Variants in CRB1 observed in about 807,000 individuals in gnomAD.
CRB1 encodes the protein crumbs cell polarity complex component 1.
Under a neutral mutation model 120.0 loss-of-function variants are expected in CRB1, and 83 were observed. The observed-to-expected ratio is 0.69, with a 90% CI of 0.58 to 0.83. The LOEUF is 0.83. Ranked by LOEUF, CRB1 falls within the 40% of genes least tolerant of loss-of-function variation. The pLI is 0.00. For synonymous variants in CRB1, 625 were observed against 612.5 expected (o/e 1.02, Z -0.30); for missense variants, 1,699 against 1,687.6 (o/e 1.01, Z -0.12).
chr1:197,220,537 A>G, the CRB1 span, among the ~76,000 whole-genome samples: 1 of 152,202 alleles, frequency 6.6e-6, no homozygotes, highest in Non-Finnish European at 1.5e-5. Context: ...AGCTTTAGGG[A>G]GCAAAGGTAA....
chr1:197,203,900 A>G, the CRB1 span, among the ~76,000 whole-genome samples: 155 of 152,212 alleles, frequency 1.0e-3, no homozygotes, highest in African/African-American at 3.4e-3. Context: ...CCATCATCCA[A>G]GTAGTACACA....
chr1:197,301,247 C>T (rs1046030939), intron 1 of CRB1, among the ~76,000 whole-genome samples: 1 of 151,926 alleles, frequency 6.6e-6, no homozygotes, highest in African/African-American at 2.4e-5. Flanking sequence ...CTCACTGCAA[C>T]CTCTGCCTGC....
At chr1:197,407,323 A>G (rs1663464144) in intron 5 of CRB1, among the ~76,000 whole-genome samples, 1 of 152,244 alleles carries the variant, frequency 6.6e-6, no homozygotes, top group African/African-American at 2.4e-5. Flanking sequence ...GCCAAATAGA[A>G]GTTTTAAAGA....
chr1:197,327,340 G>A lies in CRB1; in HGVS notation c.71-1082G>A, dbSNP rs549306059. Reference sequence around the variant, plus strand: ...AGAATTACCTGTTTCATAGAAAAGTGCAATAGAACTATCAAGGACAAAGGA... The same window carrying A: ...AGAATTACCTGTTTCATAGAAAAGTACAATAGAACTATCAAGGACAAAGGA... On this transcript the variant is annotated intron_variant, in intron 1 of 11. Transcript: ENST00000367400. Among the ~76,000 whole-genome samples the A allele has an allele frequency of 5.3e-5, 8 of 152,238 alleles. No individual in the cohort carries two copies. In the South Asian group the frequency reaches 1.7e-3, roughly 32 times the overall value.
intron 5 of CRB1, among the ~76,000 whole-genome samples, chr1:197,420,481 T>C (rs1664248550): frequency 6.6e-6 from 1 of 152,158 alleles, no homozygotes; most frequent in African/African-American, 2.4e-5. Context: ...AAGTCCTTCA[T>C]GGTGAGAGTT....
At chr1:197,345,475 T>C (rs1659708759) in intron 3 of CRB1, among the ~76,000 whole-genome samples, 1 of 151,236 alleles carries the variant, frequency 6.6e-6, no homozygotes, top group African/African-American at 2.4e-5. Context: ...AAGGCACATA[T>C]GCTTCAAAAA....
chr1:197,259,983 TAAAAA>T, the CRB1 span, among the ~76,000 whole-genome samples: 1 of 131,144 alleles, frequency 7.6e-6, no homozygotes, highest in South Asian at 2.5e-4. Flanking sequence ...GCCCCATGTC[TAAAAA>T]AAAAAAAAAA....
At chr1:197,348,657 T>C (rs957790446) in intron 4 of CRB1, among the ~76,000 whole-genome samples, 2 of 152,002 alleles carry the variant, frequency 1.3e-5, no homozygotes, top group Admixed American at 6.5e-5. Context: ...TTTGTATTTT[T>C]AGTAGAGACG....
chr1:197,367,155 T>C (rs918508421), intron 5 of CRB1, among the ~76,000 whole-genome samples: 2 of 152,214 alleles, frequency 1.3e-5, no homozygotes, highest in Non-Finnish European at 2.9e-5. Flanking sequence ...ATTATCTTTA[T>C]TTTGTATGAC....
intron 11 of CRB1, among the ~76,000 whole-genome samples, chr1:197,450,345 G>A (rs771434602): frequency 1.9e-4 from 29 of 152,102 alleles, no homozygotes; most frequent in Non-Finnish European, 3.8e-4. Context: ...TTACTTCTGG[G>A]CACTACATTC....
intron 1 of CRB1, among the ~76,000 whole-genome samples, chr1:197,285,488 C>G (rs919925839): frequency 6.6e-6 from 1 of 151,868 alleles, no homozygotes; most frequent in South Asian, 2.1e-4. Context: ...ACTTATAAAG[C>G]CTCTCTGCCT....
chr1:197,275,576 G>C (rs1326096488), intron 1 of CRB1, among the ~76,000 whole-genome samples: 1 of 151,852 alleles, frequency 6.6e-6, no homozygotes, highest in Non-Finnish European at 1.5e-5. Context: ...TACATATTCA[G>C]CCTTTCACTT....
intron 7 of CRB1, among the ~76,000 whole-genome samples, chr1:197,428,205 T>C (rs1172279833): frequency 6.6e-6 from 1 of 152,208 alleles, no homozygotes; most frequent in African/African-American, 2.4e-5. Flanking sequence ...CTTACTGGTA[T>C]CAGGATCTAT....
At chr1:197,469,603 T>A (rs1666895151) in intron 11 of CRB1, among the ~76,000 whole-genome samples, 1 of 152,074 alleles carries the variant, frequency 6.6e-6, no homozygotes, top group Non-Finnish European at 1.5e-5. Flanking sequence ...GCAACCACTG[T>A]TTTCTAAAAT....
Position 197,359,213 on chromosome 1 carries a change from T to C in CRB1, c.1171+2200T>C, listed in dbSNP as rs916992346. ...TCCAGAACAATTATCATCACAAGGA[T>C]GCCACCTCTCTCCTTCCCTGCCTCC... On this transcript the variant is annotated intron_variant, in intron 5 of 11. Transcript: ENST00000367400. 2.6e-5 allele frequency among the ~76,000 whole-genome samples: 4 copies of C among 152,314 alleles called. No homozygotes were observed. The South Asian group carries it at 6.2e-4, about 24-fold the overall frequency.
At chr1:197,450,831 G>GC (rs1665931573) in intron 11 of CRB1, among the ~76,000 whole-genome samples, 1 of 143,524 alleles carries the variant, frequency 7.0e-6, no homozygotes, top group South Asian at 2.2e-4. Context: ...GTGGTGGCCA[G>GC]CGCCTGTAGT....
intron 1 of CRB1, among the ~76,000 whole-genome samples, chr1:197,310,419 CTT>C (rs1013573611): frequency 5.9e-5 from 9 of 152,172 alleles, no homozygotes; most frequent in Non-Finnish European, 1.3e-4. Flanking sequence ...AGCATTATCT[CTT>C]GTCAGGAAGT....
Position 197,434,846 on chromosome 1 carries a change from G to A in CRB1, c.2983G>A (p.Glu995Lys), listed in dbSNP as rs62635655. Residue 995 changes from glutamate (E) to lysine (K), a missense_variant, in exon 9 of 12, where the codon GAG (glutamate) becomes AAG (lysine). Transcript: ENST00000367400. ...TGTAATAATATTGCATGCAGAAAAAGAGCCTGAATTTCTTAATATTAGCAT... is the reference window on the plus strand; with the variant it reads ...TGTAATAATATTGCATGCAGAAAAAAAGCCTGAATTTCTTAATATTAGCAT... ...ANVIILHAEK[E>K]PEFLNISIQD... is the part of the protein sequence containing the mutation. The A allele has an allele frequency of 1.4e-5, 22 of 1,613,694 alleles. No homozygotes were observed. Among genetic ancestry groups the A allele is most frequent in the South Asian group, 4.4e-5 (4 of 91,080 alleles).
At chr1:197,246,240 G>T in the CRB1 span, among the ~76,000 whole-genome samples, 5 of 152,176 alleles carry the variant, frequency 3.3e-5, no homozygotes, top group Non-Finnish European at 7.4e-5. Context: ...GCAGAGGTGG[G>T]GACACAGTTC....
Sources: allele counts gnomAD v4.1 joint callset (sites outside exome capture counted in the v4.1 genomes callset), GRCh38; gene constraint gnomAD v4.1.1; transcripts MANE v1.5; gene names NCBI Gene and HGNC (gene_info 2026-07-23, HGNC 2026-07-21).